TMEM131L: variants seen among roughly 807,000 people sequenced by gnomAD.
The protein encoded by TMEM131L is transmembrane protein 131-like.
A neutral mutation model predicts 192.2 loss-of-function variants in TMEM131L; 54 were observed. That is an observed-to-expected ratio of 0.28 (90% CI 0.23 to 0.35). The LOEUF (loss-of-function observed/expected upper bound fraction) is 0.35, where lower values mean the gene tolerates loss of function less well. TMEM131L is among the 10% of genes least tolerant of loss of function. TMEM131L has a pLI of 1.00. For synonymous variants in TMEM131L, 701 were observed against 704.9 expected (o/e 0.99, Z 0.09); for missense variants, 1,888 against 1,972.9 (o/e 0.96, Z 0.82).
At chr4:153,535,801 G>A (rs568350619) in intron 3 of TMEM131L, among the ~76,000 whole-genome samples, 105 of 152,192 alleles carry the variant, frequency 6.9e-4, no homozygotes, top group African/African-American at 2.5e-3. Context: ...TCATCCTAAC[G>A]TTGCTGTTAA....
intron 25 of TMEM131L, among the ~76,000 whole-genome samples, chr4:153,605,634 C>T (rs533367992): frequency 2.6e-5 from 4 of 152,330 alleles, no homozygotes; most frequent in East Asian, 3.9e-4. Flanking sequence ...GGATTACAAG[C>T]GTGAGCCACT....
At chr4:153,548,458 C>T (rs1458293949) in intron 3 of TMEM131L, among the ~76,000 whole-genome samples, 1 of 152,146 alleles carries the variant, frequency 6.6e-6, no homozygotes, top group Non-Finnish European at 1.5e-5. Context: ...GCGCCCGCCA[C>T]CACGCCCAGC....
intron 7 of TMEM131L, 51 bp downstream of exon 7, chr4:153,558,419 C>A: frequency 1.8e-6 from 2 of 1,098,276 alleles, no homozygotes; most frequent in East Asian, 2.4e-5. Flanking sequence ...AACTTTGTAA[C>A]CTTCTCAGAA....
At position 153,495,344 on chromosome 4, in the gene TMEM131L, G is replaced by A. The variant is rs1353636089; in HGVS notation, c.239+21456G>A. Reference sequence around the variant, plus strand: ...GAAAACAAAAAAAAAAAACAAGTAAGTTAATTTTGCCAAGGTTAAGGATAT... The same window carrying A: ...GAAAACAAAAAAAAAAAACAAGTAAATTAATTTTGCCAAGGTTAAGGATAT... On this transcript the variant is annotated intron_variant, in intron 3 of 34. Transcript: ENST00000409959. Among the ~76,000 whole-genome samples the A allele has an allele frequency of 2.6e-5, 4 of 151,886 alleles. No homozygotes were observed. In the South Asian group the frequency reaches 6.2e-4, roughly 24 times the overall value.
chr4:153,595,983 T>A (rs898311231), intron 19 of TMEM131L, among the ~76,000 whole-genome samples: 1 of 152,184 alleles, frequency 6.6e-6, no homozygotes, highest in Admixed American at 6.5e-5. Context: ...GTAGAAAGCT[T>A]CTAGCCCCAA....
At chr4:153,567,691 C>G (rs751553360) in intron 7 of TMEM131L, among the ~76,000 whole-genome samples, 2 of 151,994 alleles carry the variant, frequency 1.3e-5, no homozygotes, top group African/African-American at 2.4e-5. Flanking sequence ...ATTACAGGCA[C>G]GCACCACCAC....
At chr4:153,600,505 T>C (rs985923552) in intron 21 of TMEM131L, among the ~76,000 whole-genome samples, 2 of 152,216 alleles carry the variant, frequency 1.3e-5, no homozygotes, top group Admixed American at 1.3e-4. Flanking sequence ...ATTAACATGT[T>C]GCACTGGAAA....
chr4:153,485,237 G>T (rs1732245874), intron 3 of TMEM131L, among the ~76,000 whole-genome samples: 1 of 150,106 alleles, frequency 6.7e-6, no homozygotes, highest in East Asian at 1.9e-4. Context: ...GTTTCAGGAA[G>T]GTGGCCATAT....
intron 3 of TMEM131L, among the ~76,000 whole-genome samples, chr4:153,509,201 A>G (rs1461529232): frequency 6.6e-6 from 1 of 151,518 alleles, no homozygotes; most frequent in Non-Finnish European, 1.5e-5. Flanking sequence ...CAACAACAAA[A>G]AAAACAAAAA....
chr4:153,578,493 C>G (rs1188215182), intron 7 of TMEM131L, among the ~76,000 whole-genome samples: 1 of 151,066 alleles, frequency 6.6e-6, no homozygotes, highest in Non-Finnish European at 1.5e-5. Context: ...GTAGCTGGGA[C>G]TACAGGTGTG....
intron 3 of TMEM131L, among the ~76,000 whole-genome samples, chr4:153,499,382 T>C (rs905102348): frequency 6.6e-6 from 1 of 152,224 alleles, no homozygotes; most frequent in African/African-American, 2.4e-5. Flanking sequence ...TTATCAGTCT[T>C]GACAGGAGTC....
intron 3 of TMEM131L, among the ~76,000 whole-genome samples, chr4:153,512,695 C>G (rs1406725385): frequency 6.6e-6 from 1 of 152,102 alleles, no homozygotes; most frequent in African/African-American, 2.4e-5. Context: ...CTCACTGAAA[C>G]CTCCGCCTCC....
At chr4:153,531,402 C>T (rs534090618) in intron 3 of TMEM131L, among the ~76,000 whole-genome samples, 2 of 152,108 alleles carry the variant, frequency 1.3e-5, no homozygotes, top group South Asian at 4.1e-4. Context: ...TTTAAAGATT[C>T]CACTACAGAG....
rs1250399020 is a variant in TMEM131L at position 153,603,382 on chromosome 4, A to G, written c.2719A>G (p.Arg907Gly). 1.2e-6 allele frequency: 2 copies of G among 1,613,954 alleles called. No homozygotes were observed. The highest frequency in any genetic ancestry group is 1.3e-5 in the African/African-American group (1 of 74,928). ...CATGGAATTCATGAAAACAAGACAG[A>G]GGCAAAATGCTAGCTCCTCTTCACA... ...ILMEFMKTRQRQNASSSSQQN... is the reference protein window; with the variant it reads ...ILMEFMKTRQGQNASSSSQQN... Residue 907 changes from arginine (R) to glycine (G), a missense_variant, in exon 24 of 35, where the codon AGG (arginine) becomes GGG (glycine). Transcript: ENST00000409959.
intron 3 of TMEM131L, among the ~76,000 whole-genome samples, chr4:153,520,229 A>C (rs536980228): frequency 7.1e-4 from 108 of 152,178 alleles, no homozygotes; most frequent in African/African-American, 2.4e-3. Context: ...CTGAGGTGAG[A>C]GGATTGCTTG....
In TMEM131L at chr4:153,475,352, A is replaced by C. The variant is rs563556105; in HGVS notation, c.239+1464A>C. On this transcript the variant is annotated intron_variant, in intron 3 of 34. Transcript: ENST00000409959. ...TAGATGAAACACTGAGGTAGTTTAG[A>C]GAATATACGGATAGTGCTGTAATAA... Among the ~76,000 whole-genome samples, 76 of 152,344 alleles carry C rather than the reference A, an allele frequency of 5.0e-4. 1 individual carries two copies. The highest frequency in any genetic ancestry group is 1.5e-3 in the African/African-American group (61 of 41,566).
rs752856866 is a variant in TMEM131L at position 153,603,416 on chromosome 4, A to C, written c.2753A>C (p.Asn918Thr). 1 of 1,614,054 alleles carries C rather than the reference A, an allele frequency of 6.2e-7. No individual in the cohort carries two copies. The highest frequency in any genetic ancestry group is 1.1e-5 in the South Asian group (1 of 91,084). ...GCTAGCTCCTCTTCACAGCAAAACA[A>C]TGGTCCTATGGATGTAATCAGCCCC... ...QNASSSSQQN[N>T]GPMDVISPHS... Residue 918 changes from asparagine to threonine, a missense_variant, in exon 24 of 35, where the codon AAT (asparagine) becomes ACT (threonine). Coordinates refer to ENST00000409959, the MANE Select transcript of TMEM131L (RefSeq NM_001131007.2).
chr4:153,534,600 AT>A (rs1334480322), intron 3 of TMEM131L, among the ~76,000 whole-genome samples: 1 of 151,948 alleles, frequency 6.6e-6, no homozygotes, highest in Non-Finnish European at 1.5e-5. Flanking sequence ...CGCCCGGCTA[AT>A]TTTTTGTATT....
intron 3 of TMEM131L, among the ~76,000 whole-genome samples, chr4:153,507,396 C>A (rs547181375): frequency 6.6e-6 from 1 of 152,266 alleles, no homozygotes; most frequent in South Asian, 2.1e-4. Context: ...ATCTCCACGT[C>A]CCCCATGCTT....
Sources: allele counts gnomAD v4.1 joint callset (sites outside exome capture counted in the v4.1 genomes callset), GRCh38; gene constraint gnomAD v4.1.1; transcripts MANE v1.5; gene names NCBI Gene and HGNC (gene_info 2026-07-23, HGNC 2026-07-21).